DNAJC6: variants seen among roughly 807,000 people sequenced by gnomAD.
The protein encoded by DNAJC6 is auxilin.
A neutral mutation model predicts 110.0 loss-of-function variants in DNAJC6; 34 were observed. That is an observed-to-expected ratio of 0.31 (90% CI 0.24 to 0.41). The LOEUF is 0.41. Among genes scored for constraint, DNAJC6 ranks in the 10% least tolerant of loss-of-function variants. The pLI is 1.00. For missense variants in DNAJC6, 1,031 were observed against 1,207.8 expected (o/e 0.85, Z 2.17); for synonymous variants, 406 against 437.2 (o/e 0.93, Z 0.89).
chr1:65,387,355 G>A (rs1191680383), intron 8 of DNAJC6, among the ~76,000 whole-genome samples: 1 of 152,148 alleles, frequency 6.6e-6, no homozygotes, highest in Non-Finnish European at 1.5e-5. Flanking sequence ...CAATGCAGTT[G>A]TTTTTAGTCT....
At chr1:65,336,782 A>G (rs1645341139) in intron 1 of DNAJC6, among the ~76,000 whole-genome samples, 1 of 152,192 alleles carries the variant, frequency 6.6e-6, no homozygotes, top group Non-Finnish European at 1.5e-5. Flanking sequence ...CTCCTTTTAA[A>G]AAACACTGTC....
chr1:65,378,779 T>A (rs9436724), intron 4 of DNAJC6, among the ~76,000 whole-genome samples: 38,022 of 152,016 alleles, frequency 0.25, 8,280 homozygotes, highest in East Asian at 0.61. Flanking sequence ...CAAAATGGGG[T>A]TTATATTAAT....
chr1:65,366,244 C>A (rs1335556561), intron 4 of DNAJC6, 48 bp downstream of exon 4: 10 of 1,599,032 alleles, frequency 6.3e-6, no homozygotes, highest in Non-Finnish European at 7.7e-6. Flanking sequence ...CGTGATGGTG[C>A]TTTTCCTCCT....
Position 65,384,296 on chromosome 1 carries a change from C to T in DNAJC6, c.770C>T (p.Pro257Leu). Residue 257 changes from proline to leucine, a missense_variant, in exon 6 of 19, where the codon CCA (proline) becomes CTA (leucine). Physicochemically the swap from Pro to Leu is moderately conservative, Grantham distance 98. Transcript: ENST00000371069. The stretch of plus-strand genomic sequence containing the variant: ...ATTCGATTGCTATATGCAAAGCGAC[C>T]AGGAATTGGACTTTCACCATCCCAT... Reference protein sequence around the residue: ...PAIRLLYAKRPGIGLSPSHRR... With the variant: ...PAIRLLYAKRLGIGLSPSHRR... The T allele has an allele frequency of 6.3e-7, 1 of 1,580,070 alleles. No homozygotes were observed. Among genetic ancestry groups the T allele is most frequent in the Non-Finnish European group, 8.6e-7 (1 of 1,165,558 alleles).
intron 14 of DNAJC6, among the ~76,000 whole-genome samples, chr1:65,399,386 T>G (rs764757043): frequency 3.9e-5 from 6 of 152,220 alleles, no homozygotes; most frequent in Non-Finnish European, 2.9e-5. Context: ...CTCCTCCTCA[T>G]GACCACTATG....
At chr1:65,389,664 T>G (rs765168146) in intron 11 of DNAJC6, 37 bp downstream of exon 11, 3 of 1,600,528 alleles carry the variant, frequency 1.9e-6, no homozygotes, top group Admixed American at 3.3e-5. Context: ...CATGGTTTGA[T>G]GATTATGTAT....
At position 65,333,572 on chromosome 1, in the gene DNAJC6, C is replaced by T. The variant is rs145787735; in HGVS notation, c.193+23634C>T. Among the ~76,000 whole-genome samples, 325 of 152,166 alleles carry T rather than the reference C, an allele frequency of 2.1e-3. 1 individual carries two copies. Among genetic ancestry groups the T allele is most frequent in the African/African-American group, 7.4e-3 (306 of 41,530 alleles). On this transcript the variant is annotated intron_variant, in intron 1 of 18. Transcript: ENST00000371069. The stretch of plus-strand genomic sequence containing the variant: ...GCAGGTGACAGCATCGGGATTCCAA[C>T]CCGTATGTTATTATATAAATTGTCT...
chr1:65,373,626 TTG>T, intron 4 of DNAJC6, among the ~76,000 whole-genome samples: 1 of 116,630 alleles, frequency 8.6e-6, no homozygotes, highest in East Asian at 2.0e-4. Flanking sequence ...AGTTTTTAAT[TTG>T]TTTTTTTTTT....
intron 1 of DNAJC6, among the ~76,000 whole-genome samples, chr1:65,277,284 G>GTCA (rs1653703603): frequency 6.6e-6 from 1 of 152,194 alleles, no homozygotes; most frequent in South Asian, 2.1e-4. Flanking sequence ...TTAAAAGCTT[G>GTCA]TCAGTACCTT....
chr1:65,411,502 A>G, intron 18 of DNAJC6, 76 bp downstream of exon 18: 7 of 1,432,176 alleles, frequency 4.9e-6, no homozygotes, highest in Non-Finnish European at 6.6e-6. Context: ...TTTTACTTTA[A>G]ATGTGCTGGT....
rs1646064845 is a variant in DNAJC6 at position 65,405,330 on chromosome 1, ATCTTTATTTACTCT to A, written c.2228-538_2228-525del. ...AAACCTACTTGTGAAATTTCAAAACATCTTTATTTACTCTTGGGCACTAACCATGCTTTATAACA... is the reference window on the plus strand; with the variant it reads ...AAACCTACTTGTGAAATTTCAAAACATGGGCACTAACCATGCTTTATAACA... On this transcript the variant is annotated intron_variant, in intron 15 of 18. Coordinates refer to ENST00000371069, the MANE Select transcript of DNAJC6 (RefSeq NM_001256864.2). Among the ~76,000 whole-genome samples, 5 of 152,366 alleles carry A rather than the reference ATCTTTATTTACTCT, an allele frequency of 3.3e-5. No homozygotes were observed. The South Asian group carries it at 1.0e-3, about 32-fold the overall frequency.
At chr1:65,295,852 A>G (rs1332768622) in intron 1 of DNAJC6, among the ~76,000 whole-genome samples, 1 of 152,200 alleles carries the variant, frequency 6.6e-6, no homozygotes, top group East Asian at 1.9e-4. Flanking sequence ...AAGTTAAGAT[A>G]GATTGAGGAC....
intron 1 of DNAJC6, among the ~76,000 whole-genome samples, chr1:65,318,229 C>A (rs2101400200): frequency 6.6e-6 from 1 of 152,158 alleles, no homozygotes; most frequent in Non-Finnish European, 1.5e-5. Context: ...TTTTAATTGC[C>A]TTTAAAAATC....
chr1:65,341,742 C>A, intron 1 of DNAJC6, among the ~76,000 whole-genome samples: 1 of 151,322 alleles, frequency 6.6e-6, no homozygotes, highest in South Asian at 2.1e-4. Flanking sequence ...GGCTTTTGAA[C>A]ATGAGAGTCA....
intron 5 of DNAJC6, among the ~76,000 whole-genome samples, chr1:65,382,749 A>G (rs1427338392): frequency 6.6e-6 from 1 of 152,240 alleles, no homozygotes; most frequent in Non-Finnish European, 1.5e-5. Context: ...CAGAATAAAG[A>G]AGATGATATT....
intron 4 of DNAJC6, among the ~76,000 whole-genome samples, chr1:65,377,819 T>C (rs1471010447): frequency 4.6e-5 from 7 of 152,206 alleles, no homozygotes; most frequent in Non-Finnish European, 1.0e-4. Context: ...TGCCTCCCTT[T>C]CCCATGGTCA....
intron 1 of DNAJC6, among the ~76,000 whole-genome samples, chr1:65,280,260 G>T (rs1853827): frequency 6.6e-6 from 1 of 151,986 alleles, no homozygotes; most frequent in Non-Finnish European, 1.5e-5. Flanking sequence ...CTGTTAAATT[G>T]AGTGGATTCT....
At chr1:65,402,738 A>G (rs1326421851) in intron 15 of DNAJC6, among the ~76,000 whole-genome samples, 1 of 152,206 alleles carries the variant, frequency 6.6e-6, no homozygotes, top group African/African-American at 2.4e-5. Flanking sequence ...GAGCCTGGCT[A>G]CCGTTGTTGT....
chr1:65,379,606 C>T (rs1645798941), intron 5 of DNAJC6, 82 bp downstream of exon 5: 3 of 1,522,006 alleles, frequency 2.0e-6, no homozygotes, highest in Non-Finnish European at 2.7e-6. Flanking sequence ...AGACAGGTAA[C>T]ATTTGAGTTC....
Sources: allele counts gnomAD v4.1 joint callset (sites outside exome capture counted in the v4.1 genomes callset), GRCh38; gene constraint gnomAD v4.1.1; transcripts MANE v1.5; gene names NCBI Gene and HGNC (gene_info 2026-07-23, HGNC 2026-07-21).